The following AGAP1 variants were observed in gnomAD, a reference collection of about 807,000 sequenced individuals.
AGAP1 encodes ArfGAP with GTPase domain, ankyrin repeat and PH domain 1, also known as arf-GAP with GTPase, ANK repeat and PH domain-containing protein 1.
Under a neutral mutation model 105.3 loss-of-function variants are expected in AGAP1, and 29 were observed. The ratio of observed to expected loss-of-function variants is 0.28; its 90% CI spans 0.21 to 0.38. The LOEUF (loss-of-function observed/expected upper bound fraction) is 0.38. Among genes scored for constraint, AGAP1 ranks in the 10% least tolerant of loss-of-function variants. The pLI is 1.00. For missense variants in AGAP1, 998 were observed against 1,165.1 expected (o/e 0.86, Z 2.09); for synonymous variants, 509 against 485.9 (o/e 1.05, Z -0.63).
At chr2:235,795,581 A>G (rs1010133327) in intron 6 of AGAP1, among the ~76,000 whole-genome samples, 5 of 152,166 alleles carry the variant, frequency 3.3e-5, no homozygotes, top group Admixed American at 6.6e-5. Flanking sequence ...TTAGAACAAT[A>G]TATTTATAAA....
intron 1 of AGAP1, among the ~76,000 whole-genome samples, chr2:235,652,106 A>C (rs1368599006): frequency 6.6e-6 from 1 of 152,176 alleles, no homozygotes. Flanking sequence ...CATTTGAAAG[A>C]CACCTGGAGT....
chr2:236,112,892 G>A (rs550673670), intron 16 of AGAP1, among the ~76,000 whole-genome samples: 21 of 150,924 alleles, frequency 1.4e-4, no homozygotes, highest in Admixed American at 6.0e-4. Context: ...CCCTGCTTCC[G>A]CTCTGCAGCC....
chr2:235,848,860 G>A (rs1036227709), intron 9 of AGAP1, among the ~76,000 whole-genome samples: 1 of 152,154 alleles, frequency 6.6e-6, no homozygotes, highest in Non-Finnish European at 1.5e-5. Context: ...GAAGGTTTTA[G>A]GAATTGTATT....
chr2:235,579,775 C>CAA (rs1392097872), intron 1 of AGAP1, among the ~76,000 whole-genome samples: 7 of 127,310 alleles, frequency 5.5e-5, no homozygotes, highest in Admixed American at 8.0e-5. Context: ...GACTCCATCT[C>CAA]AAAAAAAAAA....
Position 235,751,126 on chromosome 2 carries a change from T to A in AGAP1, c.673+638T>A, listed in dbSNP as rs76739781. Among the ~76,000 whole-genome samples the A allele has an allele frequency of 2.8e-3, 420 of 152,178 alleles. 1 individual carries two copies. The highest frequency in any genetic ancestry group is 9.7e-3 in the African/African-American group (403 of 41,516). The stretch of plus-strand genomic sequence containing the variant: ...TGCAAGAGGGTCACATACTTGTGGA[T>A]GATCATAGCGCCAGACGTCGTCTAT... On this transcript the variant is annotated intron_variant, in intron 6 of 17. Transcript: ENST00000304032. The surrounding 1 kb of genome is among the most constrained non-coding windows in gnomAD (Gnocchi z 5.3).
chr2:235,909,816 T>G (rs532009425), intron 11 of AGAP1, among the ~76,000 whole-genome samples: 3 of 151,754 alleles, frequency 2.0e-5, no homozygotes, highest in Middle Eastern at 3.4e-3. Context: ...AGGTCAGGAG[T>G]TCGAGACCAG....
Position 236,036,900 on chromosome 2 carries a change from T to C in AGAP1, c.1800+185T>C, listed in dbSNP as rs1258163203. Reference sequence around the variant, plus strand: ...CACTTTGTGTCTATACCATCATACATGAGTATTCCAGCCTGACCGTGCTTC... The same window carrying C: ...CACTTTGTGTCTATACCATCATACACGAGTATTCCAGCCTGACCGTGCTTC... On this transcript the variant is annotated intron_variant, in intron 14 of 17. Transcript: ENST00000304032. This position sits in a 1 kb window ranked among gnomAD's most constrained non-coding sequence, Gnocchi z 5.7. 6.6e-6 allele frequency among the ~76,000 whole-genome samples: 1 copy of C among 152,218 alleles called. No individual in the cohort carries two copies. Among genetic ancestry groups the C allele is most frequent in the Non-Finnish European group, 1.5e-5 (1 of 68,034 alleles).
In AGAP1 at chr2:235,551,845, G is replaced by A. The variant is rs1189589866; in HGVS notation, c.163+56996G>A. 2.0e-5 allele frequency among the ~76,000 whole-genome samples: 3 copies of A among 152,200 alleles called. No individual in the cohort carries two copies. The highest frequency in any genetic ancestry group is 4.1e-4 in the South Asian group (2 of 4,832). ...GTCCTCTGGAGAACACAAACTGAGC[G>A]TTGCTGGGCCTCAGGAGCTTCTAGT... On this transcript the variant is annotated intron_variant, in intron 1 of 17. Coordinates refer to ENST00000304032, the MANE Select transcript of AGAP1 (RefSeq NM_001037131.3). This position sits in a 1 kb window ranked among gnomAD's most constrained non-coding sequence, Gnocchi z 4.8.
rs1035000519 is a variant in AGAP1, at chr2:235,874,020, C to T, written c.1051-9325C>T. ...CTGGGGTCACAGGCGTGAGCCATCA[C>T]GCCCAGCCCAGAACCGCATTCTGTT... On this transcript the variant is annotated intron_variant, in intron 9 of 17. Transcript: ENST00000304032. The surrounding 1 kb of genome is among the most constrained non-coding windows in gnomAD (Gnocchi z 4.5). Among the ~76,000 whole-genome samples the T allele has an allele frequency of 3.3e-5, 5 of 151,532 alleles. No individual in the cohort carries two copies. The highest frequency in any genetic ancestry group is 4.8e-5 in the African/African-American group (2 of 41,238).
rs368914435 is a variant in AGAP1 at position 235,729,591 on chromosome 2, T to C, written c.311-11372T>C. 3.9e-5 allele frequency among the ~76,000 whole-genome samples: 6 copies of C among 152,196 alleles called. No individual in the cohort carries two copies. In the East Asian group the frequency reaches 5.8e-4, roughly 15 times the overall value. On this transcript the variant is annotated intron_variant, in intron 3 of 17. Coordinates refer to ENST00000304032, the MANE Select transcript of AGAP1 (RefSeq NM_001037131.3). The surrounding 1 kb of genome is among the most constrained non-coding windows in gnomAD (Gnocchi z 5.0). ...CAGCTCAGGGCGTTGGTCCACTTGGTTATTCTTGGGGACCAAAATCCAAGC... is the reference window on the plus strand; with the variant it reads ...CAGCTCAGGGCGTTGGTCCACTTGGCTATTCTTGGGGACCAAAATCCAAGC...
In AGAP1 at chr2:235,705,230, C is replaced by T. The variant is rs750605016; in HGVS notation, c.164-3949C>T. On this transcript the variant is annotated intron_variant, in intron 1 of 17. Coordinates refer to ENST00000304032, the MANE Select transcript of AGAP1 (RefSeq NM_001037131.3). This position sits in a 1 kb window ranked among gnomAD's most constrained non-coding sequence, Gnocchi z 4.9. ...CTGACCTCAGGTGATCTGCGCGCCT[C>T]GGCCTCCTAAAGTGTTGGGATTACA... is the stretch of plus-strand genomic sequence containing the variant. Among the ~76,000 whole-genome samples, 9 of 152,120 alleles carry T rather than the reference C, an allele frequency of 5.9e-5. No individual in the cohort carries two copies. The highest frequency in any genetic ancestry group is 4.4e-5 in the Non-Finnish European group (3 of 68,018).
At position 236,036,572 on chromosome 2, in the gene AGAP1, AATT is replaced by A; in HGVS notation, c.1658_1660del (p.Asn553_Phe554delinsIle). 1 of 1,614,068 alleles carries A rather than the reference AATT, an allele frequency of 6.2e-7. No homozygotes were observed. The highest frequency in any genetic ancestry group is 1.1e-5 in the South Asian group (1 of 91,072). The stretch of plus-strand genomic sequence containing the variant: ...ACTCTGTGTTTCAGAACAAGAAGAA[AATT>A]TTGAGTTTATCATTGTGTCCCTCAC... On this transcript the variant is annotated inframe_deletion, in exon 14 of 18. Transcript: ENST00000304032. The surrounding 1 kb of genome is among the most constrained non-coding windows in gnomAD (Gnocchi z 5.7).
At chr2:235,680,754 C>T (rs1310156159) in intron 1 of AGAP1, among the ~76,000 whole-genome samples, 1 of 152,088 alleles carries the variant, frequency 6.6e-6, no homozygotes, top group Non-Finnish European at 1.5e-5. Flanking sequence ...TTAGGCAGAT[C>T]CTCATTTTCA....
At chr2:235,499,107 A>G (rs926752775) in intron 1 of AGAP1, among the ~76,000 whole-genome samples, 4 of 152,214 alleles carry the variant, frequency 2.6e-5, no homozygotes, top group African/African-American at 9.6e-5. Flanking sequence ...CAGAAAGCTT[A>G]GGACACTTGT....
intron 13 of AGAP1, among the ~76,000 whole-genome samples, chr2:236,004,831 TAGG>T (rs1576031973): frequency 1.3e-5 from 2 of 152,198 alleles, no homozygotes; most frequent in Non-Finnish European, 2.9e-5. Context: ...TTGTAAAATT[TAGG>T]AGAAGAAATG....
Position 236,089,718 on chromosome 2 carries a change from G to A in AGAP1, c.2115-30474G>A, listed in dbSNP as rs2059012860. 6.6e-6 allele frequency among the ~76,000 whole-genome samples: 1 copy of A among 152,160 alleles called. No individual in the cohort carries two copies. Among genetic ancestry groups the A allele is most frequent in the Admixed American group, 6.5e-5 (1 of 15,272 alleles). Reference sequence around the variant, plus strand: ...TGCTGCTTTTCAGACATCCAAATGGGGGATTGAACTGTGAGAGTGCAGGCA... The same window carrying A: ...TGCTGCTTTTCAGACATCCAAATGGAGGATTGAACTGTGAGAGTGCAGGCA... On this transcript the variant is annotated intron_variant, in intron 16 of 17. Transcript: ENST00000304032. This position sits in a 1 kb window ranked among gnomAD's most constrained non-coding sequence, Gnocchi z 5.6.
intron 1 of AGAP1, among the ~76,000 whole-genome samples, chr2:235,653,445 A>C (rs1046510627): frequency 3.3e-5 from 5 of 152,018 alleles, no homozygotes; most frequent in Admixed American, 6.6e-5. Context: ...GCCTGGGCGA[A>C]AGAGCGAAGC....
At chr2:235,999,685 TC>T (rs2056025118) in intron 13 of AGAP1, among the ~76,000 whole-genome samples, 2 of 151,764 alleles carry the variant, frequency 1.3e-5, no homozygotes, top group African/African-American at 4.8e-5. Context: ...GTGGTGGTGG[TC>T]GTGGTGGTGA....
At chr2:235,554,072 G>A (rs905025071) in intron 1 of AGAP1, among the ~76,000 whole-genome samples, 3 of 152,216 alleles carry the variant, frequency 2.0e-5, no homozygotes, top group Non-Finnish European at 2.9e-5. Flanking sequence ...GAGACCTGCC[G>A]AAGGGCTCTG....
Sources: gnomAD v4.1 joint callset for allele counts (sites outside exome capture counted in the v4.1 genomes callset) on GRCh38, gnomAD v4.1.1 for gene constraint, Gnocchi (gnomAD v3.1) non-coding constraint, MANE v1.5 for transcripts, NCBI Gene and HGNC (gene_info 2026-07-23, HGNC 2026-07-21) for gene names.